The following CSMD1 variants were observed in gnomAD, a reference collection of about 807,000 sequenced individuals.
The protein encoded by CSMD1 is CUB and Sushi multiple domains 1.
A neutral mutation model predicts 417.5 loss-of-function variants in CSMD1; 213 were observed. That is an observed-to-expected ratio of 0.51 (90% CI 0.46 to 0.57). The LOEUF (loss-of-function observed/expected upper bound fraction) is 0.57. Among genes scored for constraint, CSMD1 ranks in the 20% least tolerant of loss-of-function variants. CSMD1 has a pLI of 0.00. For missense variants in CSMD1, 6,923 were observed against 4,529.7 expected (o/e 1.53, Z -15.17); for synonymous variants, 2,862 against 1,736.8 (o/e 1.65, Z -16.11).
At chr8:4,943,569 T>A (rs74734307) in intron 1 of CSMD1, among the ~76,000 whole-genome samples, 4,074 of 152,150 alleles carry the variant, frequency 0.027, 170 homozygotes, top group African/African-American at 0.092. Flanking sequence ...ACCAATTACC[T>A]TTATAAATAC....
intron 5 of CSMD1, among the ~76,000 whole-genome samples, chr8:3,822,037 G>A (rs1476823794): frequency 6.6e-6 from 1 of 152,116 alleles, no homozygotes; most frequent in Non-Finnish European, 1.5e-5. Flanking sequence ...ACACCATGCG[G>A]TCTGACATCT....
At chr8:3,379,449 A>C (rs528156245) in intron 18 of CSMD1, among the ~76,000 whole-genome samples, 19 of 152,316 alleles carry the variant, frequency 1.2e-4, no homozygotes, top group African/African-American at 4.6e-4. Context: ...AATGAATCCT[A>C]AGCCAAAAGA....
chr8:3,670,343 T>A (rs915602651), intron 7 of CSMD1, among the ~76,000 whole-genome samples: 6 of 151,906 alleles, frequency 3.9e-5, no homozygotes, highest in South Asian at 4.1e-4. Flanking sequence ...TTCTTCTGTT[T>A]TGGGACTCGG....
intron 10 of CSMD1, among the ~76,000 whole-genome samples, chr8:3,532,925 T>G (rs147261320): frequency 2.6e-5 from 4 of 152,192 alleles, no homozygotes; most frequent in Non-Finnish European, 5.9e-5. Flanking sequence ...AACCATGACA[T>G]AGCACATATA....
intron 49 of CSMD1, among the ~76,000 whole-genome samples, chr8:3,066,844 G>C (rs1812967499): frequency 6.6e-6 from 1 of 152,140 alleles, no homozygotes; most frequent in Admixed American, 6.6e-5. Context: ...CCTCAAAAAT[G>C]CATGGAATGA....
intron 5 of CSMD1, among the ~76,000 whole-genome samples, chr8:3,812,880 T>C (rs1012837061): frequency 1.3e-5 from 2 of 152,214 alleles, no homozygotes; most frequent in South Asian, 2.1e-4. Context: ...ACCAGTTTAA[T>C]GACATGCCAG....
chr8:4,735,275 T>G (rs115598730), intron 1 of CSMD1, among the ~76,000 whole-genome samples: 2 of 152,122 alleles, frequency 1.3e-5, no homozygotes, highest in African/African-American at 4.8e-5. Flanking sequence ...GTCTTCTCAT[T>G]TAGATTTCAC....
At chr8:4,720,169 C>CATAT (rs10611609) in intron 1 of CSMD1, among the ~76,000 whole-genome samples, 16 of 148,952 alleles carry the variant, frequency 1.1e-4, no homozygotes, top group African/African-American at 3.9e-4. Context: ...ATACATATAA[C>CATAT]ATATATATAT....
chr8:4,271,480 T>C (rs1004325623), intron 3 of CSMD1, among the ~76,000 whole-genome samples: 9 of 152,054 alleles, frequency 5.9e-5, no homozygotes, highest in Admixed American at 1.3e-4. Context: ...CAATACATTT[T>C]TCATAGAGAA....
At chr8:3,854,753 G>C (rs201295267) in intron 5 of CSMD1, among the ~76,000 whole-genome samples, 1 of 146,184 alleles carries the variant, frequency 6.8e-6, no homozygotes, top group Non-Finnish European at 1.5e-5. Context: ...GGGTAAAAAA[G>C]AAAAAAAAAA....
At chr8:4,214,027 A>C (rs998924003) in intron 3 of CSMD1, among the ~76,000 whole-genome samples, 1 of 152,222 alleles carries the variant, frequency 6.6e-6, no homozygotes, top group Non-Finnish European at 1.5e-5. Context: ...GTAAGTAACA[A>C]TGGACAAAAA....
At chr8:4,122,755 A>T (rs368346178) in intron 3 of CSMD1, among the ~76,000 whole-genome samples, 2 of 152,276 alleles carry the variant, frequency 1.3e-5, no homozygotes, top group African/African-American at 4.8e-5. Context: ...AAAGGGGAAG[A>T]TTTCTGGCTC....
chr8:4,477,950 A>C (rs1050660643), intron 2 of CSMD1, among the ~76,000 whole-genome samples: 6 of 152,218 alleles, frequency 3.9e-5, no homozygotes, highest in Admixed American at 2.6e-4. Flanking sequence ...CTATGCAATA[A>C]ATATTCATGC....
chr8:4,774,375 G>A (rs992130698), intron 1 of CSMD1, among the ~76,000 whole-genome samples: 11 of 152,068 alleles, frequency 7.2e-5, no homozygotes, highest in Admixed American at 5.9e-4. Flanking sequence ...GAGAACCAAA[G>A]CATTCTTGAA....
intron 52 of CSMD1, among the ~76,000 whole-genome samples, chr8:3,013,289 T>A (rs1275720100): frequency 1.3e-5 from 2 of 152,164 alleles, no homozygotes; most frequent in African/African-American, 4.8e-5. Context: ...GATTAAGATG[T>A]ACAGATGTCA....
intron 6 of CSMD1, among the ~76,000 whole-genome samples, chr8:3,726,544 G>C (rs996058042): frequency 2.0e-5 from 3 of 152,178 alleles, no homozygotes; most frequent in Admixed American, 1.3e-4. Context: ...TTTGGGTCCA[G>C]TGTTTTTGAA....
At chr8:4,680,910 C>G (rs1805998698) in intron 1 of CSMD1, among the ~76,000 whole-genome samples, 1 of 130,130 alleles carries the variant, frequency 7.7e-6, no homozygotes, top group Non-Finnish European at 1.6e-5. Flanking sequence ...ATATGATAAG[C>G]ACACACACAC....
intron 68 of CSMD1, among the ~76,000 whole-genome samples, chr8:2,946,557 G>C (rs1289616060): frequency 6.6e-6 from 1 of 152,106 alleles, no homozygotes; most frequent in Admixed American, 6.5e-5. Context: ...CTTGTTGTAG[G>C]ATTCTTCAAT....
At chr8:3,584,247 G>C (rs1297318008) in intron 9 of CSMD1, among the ~76,000 whole-genome samples, 8 of 152,162 alleles carry the variant, frequency 5.3e-5, no homozygotes, top group Non-Finnish European at 1.2e-4. Flanking sequence ...GACAAAGCCA[G>C]GCACTCTTTG....
Sources: gnomAD v4.1 joint callset for allele counts (sites outside exome capture counted in the v4.1 genomes callset) on GRCh38, gnomAD v4.1.1 for gene constraint, MANE v1.5 for transcripts, NCBI Gene and HGNC (gene_info 2026-07-23, HGNC 2026-07-21) for gene names.